The following ROCK2 variants were observed in gnomAD, a reference collection of about 807,000 sequenced individuals.
ROCK2 encodes the protein Rho associated coiled-coil containing protein kinase 2, also known as rho-associated protein kinase 2.
Under a neutral mutation model 195.1 loss-of-function variants are expected in ROCK2, and 61 were observed. That is an observed-to-expected ratio of 0.31 (90% CI 0.25 to 0.39). The LOEUF (loss-of-function observed/expected upper bound fraction) is 0.39. Among genes scored for constraint, ROCK2 ranks in the 10% least tolerant of loss-of-function variants. ROCK2 has a pLI of 1.00. For missense variants in ROCK2, 1,109 were observed against 1,637.4 expected, an observed-to-expected ratio of 0.68 and a Z score of 5.57; for synonymous variants, 504 against 545.5, an observed-to-expected ratio of 0.92 and a Z score of 1.06.
At chr2:11,325,964 A>T (rs964229955) in intron 1 of ROCK2, among the ~76,000 whole-genome samples, 1 of 152,230 alleles carries the variant, frequency 6.6e-6, no homozygotes, top group African/African-American at 2.4e-5. Flanking sequence ...GGCCTGATCG[A>T]AGCTAAATGG....
chr2:11,289,601 TCAAA>T (rs1344919476), intron 1 of ROCK2, among the ~76,000 whole-genome samples: 1 of 152,230 alleles, frequency 6.6e-6, no homozygotes, highest in African/African-American at 2.4e-5. Context: ...CAGAGATTTT[TCAAA>T]CAGATAGAAT....
At chr2:11,317,806 C>T (rs1364328445) in intron 1 of ROCK2, among the ~76,000 whole-genome samples, 1 of 150,382 alleles carries the variant, frequency 6.6e-6, no homozygotes, top group Non-Finnish European at 1.5e-5. Flanking sequence ...TGATGTTCCC[C>T]TTCCTGTGTC....
intron 18 of ROCK2, among the ~76,000 whole-genome samples, chr2:11,211,023 A>C (rs1048360955): frequency 2.6e-5 from 4 of 152,238 alleles, no homozygotes; most frequent in Admixed American, 6.5e-5. Context: ...AATAGCTTAA[A>C]GTACTGATTT....
chr2:11,194,923 A>G, intron 28 of ROCK2, 32 bp downstream of exon 28: 1 of 1,333,192 alleles, frequency 7.5e-7, no homozygotes, highest in Non-Finnish European at 1.0e-6. Context: ...AAAAACAAAA[A>G]CAAAAGGCTC....
At chr2:11,286,714 ATT>A in intron 2 of ROCK2, 75 bp from the exon 3 acceptor site, 1 of 920,046 alleles carries the variant, frequency 1.1e-6, no homozygotes, top group South Asian at 1.9e-5. Context: ...TTATAAATAT[ATT>A]TTTGTTTCAA....
chr2:11,262,274 T>C (rs539761119), intron 3 of ROCK2, among the ~76,000 whole-genome samples: 3 of 152,272 alleles, frequency 2.0e-5, no homozygotes, highest in Non-Finnish European at 4.4e-5. Context: ...AAATAAATAA[T>C]GGTCAAAAAG....
At chr2:11,276,264 T>A (rs1666824313) in intron 3 of ROCK2, among the ~76,000 whole-genome samples, 2 of 152,362 alleles carry the variant, frequency 1.3e-5, no homozygotes, top group Non-Finnish European at 2.9e-5. Flanking sequence ...TGATTTATGA[T>A]CTTTTATGTA....
rs558501928 is a variant in ROCK2, at chr2:11,297,625, T to G, written c.142-9889A>C. Among the ~76,000 whole-genome samples, 4 of 152,278 alleles carry G rather than the reference T, an allele frequency of 2.6e-5. No homozygotes were observed. In the South Asian group the frequency reaches 8.3e-4, roughly 32 times the overall value. ...GGTTAATTTGAGAAAAACTAACTTTTTTTTCCCATCCAAGAACAAGGTAGG... is the reference window on the plus strand; with the variant it reads ...GGTTAATTTGAGAAAAACTAACTTTGTTTTCCCATCCAAGAACAAGGTAGG... On this transcript the variant is annotated intron_variant, in intron 1 of 32. Transcript: ENST00000315872.
At chr2:11,331,187 A>G (rs920978633) in intron 1 of ROCK2, among the ~76,000 whole-genome samples, 1 of 152,260 alleles carries the variant, frequency 6.6e-6, no homozygotes, top group Non-Finnish European at 1.5e-5. Context: ...AGAAAACTTC[A>G]ATTTCAATAA....
intron 3 of ROCK2, among the ~76,000 whole-genome samples, chr2:11,252,972 A>G (rs1178931563): frequency 6.8e-6 from 1 of 146,474 alleles, no homozygotes; most frequent in Non-Finnish European, 1.5e-5. Context: ...TAATAATAAT[A>G]ATAATAATAA....
At chr2:11,185,075 T>A (rs1343263223) in intron 32 of ROCK2, among the ~76,000 whole-genome samples, 1 of 152,186 alleles carries the variant, frequency 6.6e-6, no homozygotes, top group Non-Finnish European at 1.5e-5. Context: ...CACATAACCA[T>A]CCTGATGCCC....
chr2:11,209,923 A>C (rs189634274), intron 18 of ROCK2, among the ~76,000 whole-genome samples: 1 of 152,358 alleles, frequency 6.6e-6, no homozygotes, highest in Non-Finnish European at 1.5e-5. Context: ...TTTCACAACA[A>C]CGTAACAATA....
intron 4 of ROCK2, among the ~76,000 whole-genome samples, chr2:11,243,195 T>C (rs891316159): frequency 2.6e-5 from 4 of 152,202 alleles, no homozygotes; most frequent in Non-Finnish European, 5.9e-5. Context: ...CCTCCTGCTA[T>C]AAAAGACATT....
intron 3 of ROCK2, among the ~76,000 whole-genome samples, chr2:11,272,079 C>G (rs1039664502): frequency 2.9e-4 from 44 of 150,964 alleles, no homozygotes; most frequent in Non-Finnish European, 1.5e-5. Flanking sequence ...GAGGAAAGGA[C>G]TGCCTTGGAA....
intron 1 of ROCK2, among the ~76,000 whole-genome samples, chr2:11,337,702 A>G (rs929479459): frequency 6.6e-6 from 1 of 151,552 alleles, no homozygotes; most frequent in Non-Finnish European, 1.5e-5. Flanking sequence ...ACCCAGTCTC[A>G]GCTCACTGCA....
At chr2:11,332,514 G>A (rs1005504608) in intron 1 of ROCK2, among the ~76,000 whole-genome samples, 4 of 152,118 alleles carry the variant, frequency 2.6e-5, no homozygotes, top group Non-Finnish European at 5.9e-5. Flanking sequence ...AGCAAAACAC[G>A]CACATAAAAC....
chr2:11,341,150 T>TA (rs1669094612), intron 1 of ROCK2, among the ~76,000 whole-genome samples: 1 of 151,898 alleles, frequency 6.6e-6, no homozygotes, highest in Admixed American at 6.6e-5. Context: ...TCTGCAACCA[T>TA]AAAAGAGATA....
Position 11,180,488 on chromosome 2 carries a change from GA to G in ROCK2, c.*2948del, listed in dbSNP as rs1297934507. 2 of 152,096 alleles carry G rather than the reference GA, an allele frequency of 1.3e-5. No homozygotes were observed. The highest frequency in any genetic ancestry group is 2.9e-5 in the Non-Finnish European group (2 of 68,002). 9.4% of individuals were successfully genotyped at this position (152,096 alleles called of 1,614,324 possible). ...TAGATTTTTAAAACTTGTTTCTAGA[GA>G]ACATGGTTTTTTAAAATTAATACTT... On this transcript the variant is annotated 3_prime_UTR_variant, in exon 33 of 33. Transcript: ENST00000315872.
chr2:11,224,514 CT>C, intron 6 of ROCK2, 54 bp from the exon 7 acceptor site: 2 of 1,489,458 alleles, frequency 1.3e-6, no homozygotes, highest in Non-Finnish European at 1.9e-6. Flanking sequence ...AAAGGAAACA[CT>C]TTTCACCTAG....
Sources: gnomAD v4.1 joint callset for allele counts (sites outside exome capture counted in the v4.1 genomes callset) on GRCh38, gnomAD v4.1.1 for gene constraint, MANE v1.5 for transcripts, NCBI Gene and HGNC (gene_info 2026-07-23, HGNC 2026-07-21) for gene names.